Variants in NRG3 observed in about 807,000 individuals in gnomAD.
NRG3 encodes the protein pro-neuregulin-3, membrane-bound isoform.
In NRG3, 31 loss-of-function variants were observed where a neutral mutation model predicts 66.9. The observed-to-expected ratio is 0.46, with a 90% CI of 0.35 to 0.63. The LOEUF is 0.63. NRG3 is among the 20% of genes least tolerant of loss of function. The pLI, the probability that NRG3 is intolerant of heterozygous loss-of-function variation, is 0.00. For missense variants in NRG3, 910 were observed against 878.9 expected (o/e 1.04, Z -0.45); for synonymous variants, 393 against 359.4 (o/e 1.09, Z -1.06).
chr10:82,093,798 G>A (rs1189301959), intron 1 of NRG3, among the ~76,000 whole-genome samples: 1 of 152,160 alleles, frequency 6.6e-6, no homozygotes, highest in Non-Finnish European at 1.5e-5. Context: ...CAGTGTCCAG[G>A]TGGGAGAACC....
intron 1 of NRG3, among the ~76,000 whole-genome samples, chr10:82,024,094 C>A (rs1436973880): frequency 6.6e-6 from 1 of 151,858 alleles, no homozygotes. Context: ...TGTATGTGTG[C>A]AGGAATTTAT....
intron 2 of NRG3, among the ~76,000 whole-genome samples, chr10:82,452,886 G>A (rs190990879): frequency 1.3e-5 from 2 of 152,222 alleles, no homozygotes; most frequent in East Asian, 1.9e-4. Flanking sequence ...GGTTTGAAAG[G>A]GGATTCCCAT....
intron 3 of NRG3, among the ~76,000 whole-genome samples, chr10:82,828,245 A>G (rs1267462781): frequency 6.6e-6 from 1 of 152,232 alleles, no homozygotes; most frequent in Admixed American, 6.5e-5. Flanking sequence ...TCTGCTAGGA[A>G]TGTACAAAGT....
chr10:82,840,119 G>A (rs1472125782), intron 3 of NRG3, among the ~76,000 whole-genome samples: 1 of 152,104 alleles, frequency 6.6e-6, no homozygotes, highest in Admixed American at 6.6e-5. Flanking sequence ...ACTTACTTAA[G>A]TGTAGCATTT....
chr10:82,360,120 C>A (rs1195880599), intron 2 of NRG3, among the ~76,000 whole-genome samples: 1 of 152,176 alleles, frequency 6.6e-6, no homozygotes, highest in African/African-American at 2.4e-5. Context: ...GCTGCATTCA[C>A]CCTAGTTACA....
chr10:82,809,357 T>A (rs886788403), intron 3 of NRG3, among the ~76,000 whole-genome samples: 8 of 151,712 alleles, frequency 5.3e-5, no homozygotes, highest in African/African-American at 1.5e-4. Context: ...ATAAAATATA[T>A]CATTTATACA....
intron 3 of NRG3, among the ~76,000 whole-genome samples, chr10:82,774,048 A>G (rs182551985): frequency 1.0e-3 from 159 of 152,298 alleles, no homozygotes; most frequent in African/African-American, 3.6e-3. Flanking sequence ...CCAGGGATAT[A>G]TCACACTTGG....
intron 3 of NRG3, among the ~76,000 whole-genome samples, chr10:82,858,384 C>G (rs2063924360): frequency 6.6e-6 from 1 of 151,856 alleles, no homozygotes; most frequent in Non-Finnish European, 1.5e-5. Context: ...AGGGCAAAGT[C>G]TCAACACAGG....
chr10:82,473,071 G>A (rs577771015), intron 2 of NRG3, among the ~76,000 whole-genome samples: 1 of 152,246 alleles, frequency 6.6e-6, no homozygotes, highest in East Asian at 1.9e-4. Flanking sequence ...AATTAGTGTG[G>A]GCTTTCTGTG....
At chr10:82,190,593 G>A (rs768203078) in intron 1 of NRG3, among the ~76,000 whole-genome samples, 1 of 152,152 alleles carries the variant, frequency 6.6e-6, no homozygotes, top group Non-Finnish European at 1.5e-5. Flanking sequence ...GAAAAATTGG[G>A]AGATAGTGGT....
intron 1 of NRG3, among the ~76,000 whole-genome samples, chr10:82,007,055 T>C (rs566619569): frequency 1.3e-5 from 2 of 152,276 alleles, no homozygotes; most frequent in African/African-American, 4.8e-5. Flanking sequence ...GCATGATATA[T>C]AGCTCGTTTG....
At chr10:82,695,476 A>C (rs1236804209) in intron 2 of NRG3, among the ~76,000 whole-genome samples, 9 of 152,028 alleles carry the variant, frequency 5.9e-5, no homozygotes, top group Admixed American at 1.3e-4. Flanking sequence ...TTAAGAGAGA[A>C]AAACTGGATA....
intron 4 of NRG3, among the ~76,000 whole-genome samples, chr10:82,877,932 C>G (rs1841981466): frequency 6.6e-6 from 1 of 152,082 alleles, no homozygotes; most frequent in African/African-American, 2.4e-5. Flanking sequence ...ATCTGTGAAT[C>G]TTGGAGAGAA....
At chr10:82,686,625 T>C (rs1285316507) in intron 2 of NRG3, among the ~76,000 whole-genome samples, 1 of 152,194 alleles carries the variant, frequency 6.6e-6, no homozygotes, top group Non-Finnish European at 1.5e-5. Context: ...TTCAGCTCCA[T>C]TATGATCTTA....
intron 4 of NRG3, among the ~76,000 whole-genome samples, chr10:82,912,743 A>G (rs1301372418): frequency 6.6e-6 from 1 of 151,558 alleles, no homozygotes; most frequent in East Asian, 1.9e-4. Flanking sequence ...TTTGCCTTCC[A>G]TTTTGTTTTT....
intron 2 of NRG3, among the ~76,000 whole-genome samples, chr10:82,700,661 G>C (rs1164931113): frequency 6.6e-6 from 1 of 151,886 alleles, no homozygotes; most frequent in Non-Finnish European, 1.5e-5. Context: ...CATCTGTTTT[G>C]TCATAAAAGT....
chr10:82,465,348 C>A (rs1165430316), intron 2 of NRG3, among the ~76,000 whole-genome samples: 1 of 152,158 alleles, frequency 6.6e-6, no homozygotes, highest in African/African-American at 2.4e-5. Context: ...ACGAAGAATT[C>A]CAAGTGGGCC....
At chr10:82,490,599 C>G (rs1843011590) in intron 2 of NRG3, among the ~76,000 whole-genome samples, 1 of 152,098 alleles carries the variant, frequency 6.6e-6, no homozygotes, top group Admixed American at 6.6e-5. Flanking sequence ...TACATTTCAA[C>G]AACATTAAAA....
chr10:82,613,677 T>G (rs1270782122), intron 2 of NRG3, among the ~76,000 whole-genome samples: 1 of 151,734 alleles, frequency 6.6e-6, no homozygotes, highest in Non-Finnish European at 1.5e-5. Flanking sequence ...CCATTTATTT[T>G]TATTTTATTT....
Sources: gnomAD v4.1 joint callset for allele counts (sites outside exome capture counted in the v4.1 genomes callset) on GRCh38, gnomAD v4.1.1 for gene constraint, MANE v1.5 for transcripts, NCBI Gene and HGNC (gene_info 2026-07-23, HGNC 2026-07-21) for gene names.